Variants in AGMO observed in about 807,000 individuals in gnomAD.
AGMO encodes alkylglycerol monooxygenase, also known as glyceryl-ether monooxygenase.
Under a neutral mutation model 60.2 loss-of-function variants are expected in AGMO, and 75 were observed. The observed-to-expected ratio is 1.25, with a 90% CI of 1.03 to 1.51. The LOEUF (loss-of-function observed/expected upper bound fraction) is 1.51. AGMO is among the 40% of genes most tolerant of loss of function. The pLI, the probability that AGMO is intolerant of heterozygous loss-of-function variation, is 0.00. For missense variants in AGMO, 763 were observed against 525.5 expected (o/e 1.45, Z -4.42); for synonymous variants, 261 against 177.1 (o/e 1.47, Z -3.76).
the AGMO span, among the ~76,000 whole-genome samples, chr7:15,166,667 TC>T: frequency 1.3e-5 from 2 of 152,168 alleles, no homozygotes; most frequent in Non-Finnish European, 2.9e-5. Context: ...ACTGCAGTCA[TC>T]CAGTAAGAAG....
intron 3 of AGMO, among the ~76,000 whole-genome samples, chr7:15,447,211 T>A (rs966205257): frequency 6.6e-6 from 1 of 152,182 alleles, no homozygotes; most frequent in Non-Finnish European, 1.5e-5. Flanking sequence ...CCTGGGAGAA[T>A]CTTGATCGAC....
chr7:15,402,712 C>T (rs1420765465), intron 5 of AGMO, among the ~76,000 whole-genome samples: 3 of 145,350 alleles, frequency 2.1e-5, no homozygotes, highest in African/African-American at 8.1e-5. Flanking sequence ...TGAACAATTA[C>T]TGTTTTAAAT....
intron 12 of AGMO, among the ~76,000 whole-genome samples, chr7:15,211,038 C>T (rs1367704237): frequency 6.6e-6 from 1 of 151,236 alleles, no homozygotes; most frequent in Non-Finnish European, 1.5e-5. Context: ...TAACTTGGGA[C>T]ATAAAGGGAC....
intron 3 of AGMO, among the ~76,000 whole-genome samples, chr7:15,459,227 A>C (rs1295262247): frequency 2.0e-5 from 3 of 152,206 alleles, no homozygotes; most frequent in Non-Finnish European, 4.4e-5. Context: ...ATTCAAATAA[A>C]ATCACCCAAT....
chr7:15,139,013 G>C, the AGMO span, among the ~76,000 whole-genome samples: 5 of 152,016 alleles, frequency 3.3e-5, no homozygotes, highest in Non-Finnish European at 7.4e-5. Flanking sequence ...TTAAGATCTA[G>C]AGCATTCCTG....
At chr7:15,458,795 T>C (rs1021343359) in intron 3 of AGMO, among the ~76,000 whole-genome samples, 5 of 152,076 alleles carry the variant, frequency 3.3e-5, no homozygotes, top group South Asian at 2.1e-4. Context: ...AACCACAAAA[T>C]TGCAGGGCCA....
chr7:15,313,248 C>T lies in AGMO; in HGVS notation c.1263+52266G>A, dbSNP rs186843656. Among the ~76,000 whole-genome samples, 6 of 152,270 alleles carry T rather than the reference C, an allele frequency of 3.9e-5. No homozygotes were observed. In the East Asian group the frequency reaches 7.7e-4, roughly 20 times the overall value. ...AGTTTTCTTAGGAAAAATAACATCC[C>T]CCATCATTGACTTTCTATTAACTAT... is the stretch of plus-strand genomic sequence containing the variant. On this transcript the variant is annotated intron_variant, in intron 12 of 12. Coordinates refer to ENST00000342526, the MANE Select transcript of AGMO (RefSeq NM_001004320.2).
intron 12 of AGMO, among the ~76,000 whole-genome samples, chr7:15,328,754 A>G (rs1355975717): frequency 6.6e-6 from 1 of 152,220 alleles, no homozygotes; most frequent in Non-Finnish European, 1.5e-5. Flanking sequence ...ACCAATTTCC[A>G]AGAGTTTCCC....
At chr7:15,160,907 G>C in the AGMO span, among the ~76,000 whole-genome samples, 7 of 152,154 alleles carry the variant, frequency 4.6e-5, no homozygotes, top group South Asian at 8.3e-4. Context: ...CTGGAGGAGG[G>C]AAGTACAAGA....
the AGMO span, among the ~76,000 whole-genome samples, chr7:15,181,993 A>C: frequency 6.6e-6 from 1 of 152,250 alleles, no homozygotes; most frequent in Non-Finnish European, 1.5e-5. Flanking sequence ...AAGGACAAAC[A>C]GAATTTGGTA....
chr7:15,156,677 T>A, the AGMO span, among the ~76,000 whole-genome samples: 1 of 152,214 alleles, frequency 6.6e-6, no homozygotes, highest in Non-Finnish European at 1.5e-5. Flanking sequence ...CAAGTCTTCA[T>A]GCTCGGCAAC....
chr7:15,307,863 A>G (rs947309474), intron 12 of AGMO, among the ~76,000 whole-genome samples: 2 of 152,088 alleles, frequency 1.3e-5, no homozygotes, highest in African/African-American at 4.8e-5. Context: ...AATAAGACCC[A>G]TACCTCCTTC....
chr7:15,299,335 A>C (rs1583379216), intron 12 of AGMO, among the ~76,000 whole-genome samples: 1 of 152,146 alleles, frequency 6.6e-6, no homozygotes, highest in East Asian at 1.9e-4. Context: ...GTTTATACTT[A>C]TGTAATACTG....
intron 12 of AGMO, among the ~76,000 whole-genome samples, chr7:15,344,723 C>A (rs140669371): frequency 6.6e-6 from 1 of 152,136 alleles, no homozygotes; most frequent in South Asian, 2.1e-4. Context: ...CCCAAAAACA[C>A]GTGGATGCAG....
At chr7:15,283,532 T>C (rs189988056) in intron 12 of AGMO, among the ~76,000 whole-genome samples, 8 of 152,084 alleles carry the variant, frequency 5.3e-5, no homozygotes, top group African/African-American at 1.9e-4. Context: ...CAAGGAGATA[T>C]TATAATCCTA....
intron 12 of AGMO, among the ~76,000 whole-genome samples, chr7:15,261,584 T>C (rs1362104550): frequency 6.6e-6 from 1 of 151,702 alleles, no homozygotes; most frequent in East Asian, 1.9e-4. Flanking sequence ...ATTCAAATAA[T>C]TGGTACCAAT....
chr7:15,241,459 CAAAAAAAAAAAAA>C (rs61727790), intron 12 of AGMO, among the ~76,000 whole-genome samples: 12 of 51,364 alleles, frequency 2.3e-4, no homozygotes, highest in Non-Finnish European at 4.0e-4. Flanking sequence ...GACTCCGTCT[CAAAAAAAAAAAAA>C]AAAAAAAAAA....
intron 3 of AGMO, among the ~76,000 whole-genome samples, chr7:15,490,164 G>T (rs927835870): frequency 2.0e-5 from 3 of 152,142 alleles, no homozygotes; most frequent in African/African-American, 7.2e-5. Context: ...AAGCATTAAA[G>T]ATTTTCAGAT....
At chr7:15,384,652 G>C (rs1386587665) in intron 10 of AGMO, among the ~76,000 whole-genome samples, 1 of 151,862 alleles carries the variant, frequency 6.6e-6, no homozygotes, top group African/African-American at 2.4e-5. Flanking sequence ...TACTTTATTG[G>C]TAACAAGGTA....
Sources: gnomAD v4.1 joint callset for allele counts (sites outside exome capture counted in the v4.1 genomes callset) on GRCh38, gnomAD v4.1.1 for gene constraint, MANE v1.5 for transcripts, NCBI Gene and HGNC (gene_info 2026-07-23, HGNC 2026-07-21) for gene names.